Variants in GSE1 observed in about 807,000 individuals in gnomAD.
GSE1 encodes Gse1 coiled-coil protein.
A neutral mutation model predicts 112.6 loss-of-function variants in GSE1; 32 were observed. That is an observed-to-expected ratio of 0.28 (90% CI 0.21 to 0.38). GSE1 has a LOEUF of 0.38. Among genes scored for constraint, GSE1 ranks in the 10% least tolerant of loss-of-function variants. The probability of loss-of-function intolerance (pLI) is 1.00; values close to 1 mark genes in which losing one functional copy is unlikely to be tolerated. For missense variants in GSE1, 2,348 were observed against 1,699.2 expected (o/e 1.38, Z -6.71); for synonymous variants, 1,115 against 735.6 (o/e 1.52, Z -8.35).
rs2053638242 is a variant in GSE1, at chr16:85,675,638, G to T, written c.*3099G>T. ...AGCAGAATGGTATTTTCCTCAAGTA[G>T]CTCATAATACTGCCAAATCTCAAAA... On this transcript the variant is annotated 3_prime_UTR_variant, in exon 16 of 16. Coordinates refer to ENST00000253458, the MANE Select transcript of GSE1 (RefSeq NM_014615.5). 6.6e-6 allele frequency: 1 copy of T among 152,190 alleles called. No individual in the cohort carries two copies. The highest frequency in any genetic ancestry group is 6.5e-5 in the Admixed American group (1 of 15,288). The allele number at this position is 152,190 out of a possible 1,614,324, so 9.4% of individuals were successfully genotyped here. A position where few individuals can be genotyped will look rare whatever the true frequency, so the allele number is the denominator to read the frequency against.
intron 1 of GSE1, among the ~76,000 whole-genome samples, chr16:85,576,476 T>G (rs2046232080): frequency 6.6e-6 from 1 of 152,206 alleles, no homozygotes; most frequent in Non-Finnish European, 1.5e-5. Flanking sequence ...TATTGGTCTC[T>G]GCTAGAGGCC....
At position 85,613,869 on chromosome 16, in the gene GSE1, G is replaced by T. The variant is rs1055275270; in HGVS notation, c.7+471G>T. Among the ~76,000 whole-genome samples, 58 of 148,654 alleles carry T rather than the reference G, an allele frequency of 3.9e-4. 2 individuals carry two copies. In the South Asian group the frequency reaches 0.011, roughly 28 times the overall value. Reference sequence around the variant, plus strand: ...GAGGAAGCGGGGGTGTGGGGGGGGGGGGTGCTCGCTACTGGGGCCGCGCCG... The same window carrying T: ...GAGGAAGCGGGGGTGTGGGGGGGGGTGGTGCTCGCTACTGGGGCCGCGCCG... On this transcript the variant is annotated intron_variant, in intron 1 of 15. Coordinates refer to ENST00000253458, the MANE Select transcript of GSE1 (RefSeq NM_014615.5).
chr16:85,314,671 G>A (rs978064696), intron 1 of GSE1, among the ~76,000 whole-genome samples: 5 of 152,116 alleles, frequency 3.3e-5, no homozygotes, highest in African/African-American at 9.7e-5. Context: ...CATGCATGGC[G>A]GGCCTGGGTC....
In GSE1 at chr16:85,661,261, A is replaced by C; in HGVS notation, c.1756A>C (p.Asn586His). Residue 586 changes from asparagine (N) to histidine (H), a missense_variant, in exon 9 of 16, where the codon AAC becomes CAC. Asn to His is a moderately conservative substitution (Grantham distance 68). Coordinates refer to ENST00000253458, the MANE Select transcript of GSE1 (RefSeq NM_014615.5). ...QLHAAPTALW[N>H]PVSLMDNTLE... ...CCATGCTGCACCCACGGCCCTCTGGAACCCCGTGTCCCTGATGGACAACAC... is the reference window on the plus strand; with the variant it reads ...CCATGCTGCACCCACGGCCCTCTGGCACCCCGTGTCCCTGATGGACAACAC... 6.2e-7 allele frequency: 1 copy of C among 1,612,942 alleles called. No individual in the cohort carries two copies. The highest frequency in any genetic ancestry group is 1.1e-5 in the South Asian group (1 of 91,082).
chr16:85,460,972 A>G (rs1171732473), intron 2 of GSE1, among the ~76,000 whole-genome samples: 2 of 152,214 alleles, frequency 1.3e-5, no homozygotes, highest in East Asian at 3.9e-4. Context: ...CACAGGAAGC[A>G]ATTGTAACAG....
chr16:85,597,364 ACT>A (rs2047275227), intron 1 of GSE1, among the ~76,000 whole-genome samples: 2 of 127,056 alleles, frequency 1.6e-5, no homozygotes, highest in Non-Finnish European at 3.1e-5. Flanking sequence ...ACAGAGTGAG[ACT>A]CTGTCTCAAA....
intron 1 of GSE1, among the ~76,000 whole-genome samples, chr16:85,615,219 G>C (rs560453202): frequency 1.3e-5 from 2 of 152,370 alleles, no homozygotes; most frequent in African/African-American, 4.8e-5. Flanking sequence ...CCACAGGTGA[G>C]GGGCCCAGGG....
chr16:85,598,634 G>A (rs866405907), intron 1 of GSE1, among the ~76,000 whole-genome samples: 1 of 152,192 alleles, frequency 6.6e-6, no homozygotes, highest in Non-Finnish European at 1.5e-5. Context: ...AAGGGAAGAC[G>A]CCTTCTGGGC....
At chr16:85,619,348 T>A (rs556893634) in intron 1 of GSE1, among the ~76,000 whole-genome samples, 8 of 151,916 alleles carry the variant, frequency 5.3e-5, no homozygotes, top group African/African-American at 1.9e-4. Flanking sequence ...AGTATTGATG[T>A]TGGACAGGTT....
At chr16:85,246,276 C>T (rs1481821893) in intron 1 of GSE1, among the ~76,000 whole-genome samples, 3 of 138,568 alleles carry the variant, frequency 2.2e-5, no homozygotes, top group Admixed American at 7.1e-5. Context: ...CACACACACC[C>T]CACACGCTGT....
At chr16:85,347,617 C>A (rs981926534) in intron 1 of GSE1, among the ~76,000 whole-genome samples, 9 of 150,816 alleles carry the variant, frequency 6.0e-5, no homozygotes, top group South Asian at 2.1e-4. Context: ...TCAGACACAG[C>A]AAGTGCACCA....
At chr16:85,342,678 T>G (rs13334489) in intron 1 of GSE1, among the ~76,000 whole-genome samples, 108,309 of 151,954 alleles carry the variant, frequency 0.71, 39,163 homozygotes, top group East Asian at 0.91. Context: ...CGTTTGGCAG[T>G]CTGTTAAACA....
intron 1 of GSE1, among the ~76,000 whole-genome samples, chr16:85,204,586 T>C (rs2075083403): frequency 6.6e-6 from 1 of 152,248 alleles, no homozygotes; most frequent in Non-Finnish European, 1.5e-5. Flanking sequence ...GCACTTCTTG[T>C]TATTTGCCTT....
intron 9 of GSE1, 123 bp downstream of exon 9, chr16:85,661,888 C>T (rs552750058): frequency 8.2e-6 from 8 of 980,756 alleles, no homozygotes; most frequent in Admixed American, 3.0e-5. Flanking sequence ...TAGTCCCAGG[C>T]CCCAGGTGGC....
At chr16:85,568,719 G>A (rs537063552) in intron 1 of GSE1, among the ~76,000 whole-genome samples, 1 of 152,320 alleles carries the variant, frequency 6.6e-6, no homozygotes, top group South Asian at 2.1e-4. Flanking sequence ...CCAGAGGTGG[G>A]GCTGGTAACT....
chr16:85,362,223 G>A (rs2047097530), intron 2 of GSE1, among the ~76,000 whole-genome samples: 1 of 152,214 alleles, frequency 6.6e-6, no homozygotes, highest in African/African-American at 2.4e-5. Flanking sequence ...TTCCCTCGTG[G>A]GGCGGGTGAG....
intron 3 of GSE1, among the ~76,000 whole-genome samples, chr16:85,650,321 C>A (rs907396124): frequency 8.5e-5 from 13 of 152,142 alleles, no homozygotes; most frequent in African/African-American, 3.1e-4. Context: ...CTGAATCACC[C>A]GACTCAAACA....
intron 1 of GSE1, among the ~76,000 whole-genome samples, chr16:85,190,800 G>A (rs896364194): frequency 6.6e-6 from 1 of 152,248 alleles, no homozygotes; most frequent in Non-Finnish European, 1.5e-5. Flanking sequence ...TGCCAAGCCT[G>A]TGTGGGATTC....
In GSE1 at chr16:85,373,369, G is replaced by C. The variant is rs2047342673; in HGVS notation, c.2464+15726G>C. ...ATGGGCTGTTTGTTTGGGTGTCTCT[G>C]GTGTCTTCTCTTGTCAAACAGACAA... On this transcript the variant is annotated intron_variant, in intron 2 of 2. Transcript: ENST00000637419. This position sits in a 1 kb window ranked among gnomAD's most constrained non-coding sequence, Gnocchi z 5.1. Among the ~76,000 whole-genome samples, 1 of 152,196 alleles carries C rather than the reference G, an allele frequency of 6.6e-6. No individual in the cohort carries two copies. The highest frequency in any genetic ancestry group is 1.5e-5 in the Non-Finnish European group (1 of 68,024).
Sources: allele counts gnomAD v4.1 joint callset (sites outside exome capture counted in the v4.1 genomes callset), GRCh38; gene constraint gnomAD v4.1.1; non-coding constraint Gnocchi (gnomAD v3.1); transcripts MANE v1.5; gene names NCBI Gene and HGNC (gene_info 2026-07-23, HGNC 2026-07-21).